Variants in ARNT observed in about 807,000 individuals in gnomAD.
The protein encoded by ARNT is class E basic helix-loop-helix protein 2.
ARNT carries 30 observed loss-of-function variants against 105.0 expected under a neutral mutation model. The observed-to-expected ratio is 0.29, with a 90% confidence interval of 0.21 to 0.39. The LOEUF (loss-of-function observed/expected upper bound fraction) is 0.39, where lower values mean the gene tolerates loss of function less well. Among genes scored for constraint, ARNT ranks in the 10% least tolerant of loss-of-function variants. The pLI, the probability that ARNT is intolerant of heterozygous loss-of-function variation, is 1.00. For missense variants in ARNT, 748 were observed against 978.7 expected (o/e 0.76, Z 3.15); for synonymous variants, 304 against 344.0 (o/e 0.88, Z 1.29).
chr1:150,833,948 T>C (rs1216701700), intron 8 of ARNT, among the ~76,000 whole-genome samples: 49 of 151,912 alleles, frequency 3.2e-4, no homozygotes, highest in Non-Finnish European at 1.6e-4. Context: ...TTTTTTTTTT[T>C]TTTGAGACAG....
rs187442119 is a variant in ARNT, at chr1:150,817,591, T to C, written c.1506-158A>G. ...GGGAGGCCGAAGCAGGTGGATCACCTGAGGTCAGGAGTTCGACACCAGCCT... is the reference window on the plus strand; with the variant it reads ...GGGAGGCCGAAGCAGGTGGATCACCCGAGGTCAGGAGTTCGACACCAGCCT... On this transcript the variant is annotated intron_variant, in intron 15 of 21. Transcript: ENST00000358595. 205 of 686,222 alleles carry C rather than the reference T, an allele frequency of 3.0e-4. 2 individuals carry two copies. The African/African-American group carries it at 3.3e-3, about 11-fold the overall frequency. 42.5% of individuals were successfully genotyped at this position (686,222 alleles called of 1,614,324 possible). A position where few individuals can be genotyped will look rare whatever the true frequency, so the allele number is the denominator to read the frequency against.
rs1047772647 is a variant in ARNT at position 150,810,101 on chromosome 1, A to C, written c.*1920T>G. 4.3e-6 allele frequency: 1 copy of C among 230,760 alleles called. No homozygotes were observed. Among genetic ancestry groups the C allele is most frequent in the African/African-American group, 2.2e-5 (1 of 45,256 alleles). The allele number at this position is 230,760 out of a possible 1,614,324, so 14.3% of individuals were successfully genotyped here. On this transcript the variant is annotated 3_prime_UTR_variant, in exon 22 of 22. Transcript: ENST00000358595. ...ATCACACAACACAAGAAATTTTACA[A>C]AAGGAAAAAATATTTTGTTTGAAAA...
At chr1:150,846,495 T>C (rs1222194735) in intron 3 of ARNT, among the ~76,000 whole-genome samples, 188 bp from the exon 4 acceptor site, 1 of 152,136 alleles carries the variant, frequency 6.6e-6, no homozygotes, top group Non-Finnish European at 1.5e-5. Flanking sequence ...ATTTGTCAGG[T>C]TTCTGGTATT....
At chr1:150,836,257 T>C in intron 7 of ARNT, 23 bp downstream of exon 7, 1 of 1,605,092 alleles carries the variant, frequency 6.2e-7, no homozygotes, top group Non-Finnish European at 8.5e-7. Context: ...TTCTCATTCA[T>C]TTCCCATACA....
At position 150,843,333 on chromosome 1, in the gene ARNT, G is replaced by C. The variant is rs587766595; in HGVS notation, c.228-865C>G. ...AGGTGTTGGCAGGCCATTGTGTCAG[G>C]AATGTGTCAATTCCATTTTAAATAT... is the stretch of plus-strand genomic sequence containing the variant. On this transcript the variant is annotated intron_variant, in intron 4 of 21. Coordinates refer to ENST00000358595, the MANE Select transcript of ARNT (RefSeq NM_001668.4). Among the ~76,000 whole-genome samples, 6 of 152,132 alleles carry C rather than the reference G, an allele frequency of 3.9e-5. No individual in the cohort carries two copies. The South Asian group carries it at 8.3e-4, about 21-fold the overall frequency.
At chr1:150,869,544 C>CTTT (rs869055633) in intron 1 of ARNT, among the ~76,000 whole-genome samples, 1 of 141,160 alleles carries the variant, frequency 7.1e-6, no homozygotes, top group African/African-American at 2.6e-5. Flanking sequence ...GAAACTACTC[C>CTTT]TTTTTTTTTT....
At chr1:150,835,206 T>C (rs1660104252) in intron 7 of ARNT, among the ~76,000 whole-genome samples, 1 of 151,472 alleles carries the variant, frequency 6.6e-6, no homozygotes, top group Non-Finnish European at 1.5e-5. Context: ...TTATATGTTA[T>C]AGAAACATAT....
chr1:150,829,311 G>C (rs967152696), intron 11 of ARNT, 84 bp from the exon 12 acceptor site: 66 of 1,389,642 alleles, frequency 4.7e-5, no homozygotes, highest in Non-Finnish European at 6.1e-5. Flanking sequence ...CTTTTGCATA[G>C]ACATAAGATT....
chr1:150,828,491 A>G (rs1020193055), intron 12 of ARNT, among the ~76,000 whole-genome samples: 1 of 152,058 alleles, frequency 6.6e-6, no homozygotes, highest in Non-Finnish European at 1.5e-5. Flanking sequence ...CTATTGATCT[A>G]TATATCTATC....
chr1:150,841,685 CAA>C (rs1661330893), intron 5 of ARNT, among the ~76,000 whole-genome samples: 1 of 152,182 alleles, frequency 6.6e-6, no homozygotes, highest in Non-Finnish European at 1.5e-5. Context: ...ACATTACAAA[CAA>C]CAGTCTCCCA....
At chr1:150,837,197 A>G (rs1304841006) in intron 6 of ARNT, among the ~76,000 whole-genome samples, 1 of 152,172 alleles carries the variant, frequency 6.6e-6, no homozygotes, top group Non-Finnish European at 1.5e-5. Context: ...AAAATGATCA[A>G]GTTTTCTCAA....
chr1:150,841,038 T>C (rs1661205520), intron 5 of ARNT, among the ~76,000 whole-genome samples: 1 of 142,802 alleles, frequency 7.0e-6, no homozygotes, highest in South Asian at 2.3e-4. Flanking sequence ...AACCTCCGCC[T>C]TCTGGGTTCA....
chr1:150,864,589 A>C (rs930736860), intron 1 of ARNT, among the ~76,000 whole-genome samples: 20 of 116,180 alleles, frequency 1.7e-4, no homozygotes, highest in Admixed American at 4.6e-4. Flanking sequence ...AGGAAGGGGA[A>C]TATCACACTC....
intron 19 of ARNT, 130 bp downstream of exon 19, chr1:150,816,129 G>A (rs1655817517): frequency 8.4e-7 from 1 of 1,196,752 alleles, no homozygotes; most frequent in African/African-American, 1.6e-5. Flanking sequence ...AACAAAGATG[G>A]AAATTGGAAA....
chr1:150,865,276 T>G (rs1666368738), intron 1 of ARNT, among the ~76,000 whole-genome samples: 1 of 152,070 alleles, frequency 6.6e-6, no homozygotes, highest in Admixed American at 6.6e-5. Context: ...AAAGCAAAAA[T>G]TTTTACACAA....
intron 14 of ARNT, among the ~76,000 whole-genome samples, chr1:150,822,065 A>G (rs1051322231): frequency 2.0e-5 from 3 of 151,982 alleles, no homozygotes; most frequent in Non-Finnish European, 4.4e-5. Context: ...TAGAATTTAT[A>G]TATATTTAAT....
chr1:150,872,470 A>G (rs1048321385), intron 1 of ARNT, among the ~76,000 whole-genome samples: 1 of 152,348 alleles, frequency 6.6e-6, no homozygotes, highest in East Asian at 1.9e-4. Flanking sequence ...TTCTTCATCC[A>G]CAGTAACTTG....
intron 3 of ARNT, 138 bp downstream of exon 3, chr1:150,852,624 G>A (rs1163446435): frequency 1.4e-5 from 10 of 725,692 alleles, no homozygotes; most frequent in Non-Finnish European, 2.2e-5. Flanking sequence ...AAAATTTTCT[G>A]AGATATATGA....
chr1:150,824,397 T>C (rs587617267), intron 13 of ARNT, among the ~76,000 whole-genome samples: 1 of 151,954 alleles, frequency 6.6e-6, no homozygotes, highest in South Asian at 2.1e-4. Flanking sequence ...ATAGCTTATA[T>C]ATTGCTCTTC....
Sources: allele counts gnomAD v4.1 joint callset (sites outside exome capture counted in the v4.1 genomes callset), GRCh38; gene constraint gnomAD v4.1.1; transcripts MANE v1.5; gene names NCBI Gene and HGNC (gene_info 2026-07-23, HGNC 2026-07-21).